NEK11: variants seen among roughly 807,000 people sequenced by gnomAD.
The protein encoded by NEK11 is serine/threonine-protein kinase Nek11.
In NEK11, 72 loss-of-function variants were observed where a neutral mutation model predicts 80.7. The ratio of observed to expected loss-of-function variants is 0.89; its 90% confidence interval spans 0.74 to 1.08. The LOEUF (loss-of-function observed/expected upper bound fraction) is 1.08, where lower values mean the gene tolerates loss of function less well. NEK11 is among the 50% of genes least tolerant of loss of function. The pLI, the probability that NEK11 is intolerant of heterozygous loss-of-function variation, is 0.00. For synonymous variants in NEK11, 251 were observed against 260.7 expected (o/e 0.96, Z 0.36); for missense variants, 764 against 763.6 (o/e 1.00, Z -0.01).
At chr3:131,139,353 G>GAAAAAAAA (rs71622003) in intron 7 of NEK11, among the ~76,000 whole-genome samples, 290 of 106,870 alleles carry the variant, frequency 2.7e-3, no homozygotes, top group Middle Eastern at 4.5e-3. Flanking sequence ...AGAGAAAAAA[G>GAAAAAAAA]AAAAAAAAAA....
chr3:131,178,517 G>A (rs1022264464), intron 14 of NEK11, among the ~76,000 whole-genome samples: 1 of 152,082 alleles, frequency 6.6e-6, no homozygotes, highest in Non-Finnish European at 1.5e-5. Context: ...TAAAAACGAA[G>A]TCACGAACAC....
intron 16 of NEK11, 76 bp downstream of exon 16, chr3:131,243,572 C>A: frequency 1.5e-6 from 2 of 1,290,690 alleles, no homozygotes; most frequent in Non-Finnish European, 2.2e-6. Context: ...AGAAATCTTA[C>A]AGGTGTTTAA....
intron 9 of NEK11, among the ~76,000 whole-genome samples, chr3:131,154,454 C>G (rs924415807): frequency 2.6e-5 from 4 of 152,220 alleles, no homozygotes; most frequent in African/African-American, 9.6e-5. Flanking sequence ...GATATTAACA[C>G]TTTAAAGACA....
At chr3:131,134,615 G>T (rs1233507811) in intron 7 of NEK11, among the ~76,000 whole-genome samples, 1 of 151,666 alleles carries the variant, frequency 6.6e-6, no homozygotes, top group Non-Finnish European at 1.5e-5. Flanking sequence ...TAGCCGGAAT[G>T]GTCTCAATCT....
intron 3 of NEK11, among the ~76,000 whole-genome samples, chr3:131,059,955 G>C (rs1176655295): frequency 6.6e-6 from 1 of 152,206 alleles, no homozygotes; most frequent in African/African-American, 2.4e-5. Flanking sequence ...GTGGGGCACA[G>C]TACAAAGTGA....
chr3:131,076,583 CA>C (rs1030428077), intron 3 of NEK11, among the ~76,000 whole-genome samples: 16 of 152,176 alleles, frequency 1.1e-4, no homozygotes, highest in African/African-American at 3.9e-4. Flanking sequence ...TAAAAAAACA[CA>C]AAAGCAAAAT....
chr3:131,213,750 G>A (rs146998470), intron 14 of NEK11, among the ~76,000 whole-genome samples: 3 of 152,246 alleles, frequency 2.0e-5, no homozygotes, highest in African/African-American at 7.2e-5. Context: ...CTCCAGTCCT[G>A]CCAATCTGAA....
rs552150367 is a variant in NEK11, at chr3:131,108,015, A to G, written c.337-1788A>G. Among the ~76,000 whole-genome samples the G allele has an allele frequency of 4.6e-5, 7 of 152,268 alleles. 1 individual carries two copies. The South Asian group carries it at 1.4e-3, about 32-fold the overall frequency. ...AGAAAGAAATGATAGTCTTTTAGAC[A>G]AGGAGTTAAGTATTCAATTCGCCAT... is the stretch of plus-strand genomic sequence containing the variant. On this transcript the variant is annotated intron_variant, in intron 4 of 17. Coordinates refer to ENST00000383366, the MANE Select transcript of NEK11 (RefSeq NM_024800.5).
At chr3:131,031,969 T>G (rs1285129943) in intron 3 of NEK11, among the ~76,000 whole-genome samples, 1 of 151,888 alleles carries the variant, frequency 6.6e-6, no homozygotes, top group Non-Finnish European at 1.5e-5. Flanking sequence ...AATCAGTTTT[T>G]TTTTTTTTTT....
At chr3:131,313,571 T>G (rs1019323499) in intron 17 of NEK11, among the ~76,000 whole-genome samples, 2 of 152,220 alleles carry the variant, frequency 1.3e-5, no homozygotes, top group Non-Finnish European at 2.9e-5. Flanking sequence ...TAATGATCCA[T>G]GATCTTGAGT....
intron 17 of NEK11, among the ~76,000 whole-genome samples, chr3:131,337,582 T>A (rs2097207729): frequency 6.6e-6 from 1 of 151,846 alleles, no homozygotes; most frequent in South Asian, 2.1e-4. Flanking sequence ...AACCTGCACA[T>A]TGTGCACATG....
chr3:131,339,971 A>G (rs1267056139), intron 17 of NEK11, among the ~76,000 whole-genome samples: 3 of 152,258 alleles, frequency 2.0e-5, no homozygotes, highest in Non-Finnish European at 4.4e-5. Flanking sequence ...TGAGCAATGC[A>G]AATTGAGGGA....
At chr3:131,174,520 A>G (rs1197176885) in intron 14 of NEK11, among the ~76,000 whole-genome samples, 1 of 152,246 alleles carries the variant, frequency 6.6e-6, no homozygotes, top group Non-Finnish European at 1.5e-5. Flanking sequence ...ATGAGGAGTT[A>G]GTTGCAGAGA....
At chr3:131,097,518 C>A (rs1439950929) in intron 4 of NEK11, among the ~76,000 whole-genome samples, 1 of 152,136 alleles carries the variant, frequency 6.6e-6, no homozygotes, top group Non-Finnish European at 1.5e-5. Context: ...TGTCTTTTGG[C>A]TGCATAAATG....
At chr3:131,269,514 A>G (rs1235814046) in intron 16 of NEK11, among the ~76,000 whole-genome samples, 4 of 152,118 alleles carry the variant, frequency 2.6e-5, no homozygotes, top group African/African-American at 9.7e-5. Context: ...TCCCTTGGCT[A>G]GGCGACGCCC....
At chr3:131,095,134 T>A (rs893955005) in intron 4 of NEK11, among the ~76,000 whole-genome samples, 52 of 152,220 alleles carry the variant, frequency 3.4e-4, no homozygotes, top group African/African-American at 1.2e-3. Flanking sequence ...CTCATTCAAA[T>A]TGTATATCTT....
In NEK11 at chr3:131,293,958, C is replaced by T. The variant is rs376045715; in HGVS notation, c.1718+20384C>T. ...ATTTCTGATACTAGCAATTTGTGTT[C>T]TCTCTTTTTTTCTTAATTAGCCTGT... On this transcript the variant is annotated intron_variant, in intron 17 of 17. Transcript: ENST00000383366. 4.0e-5 allele frequency among the ~76,000 whole-genome samples: 6 copies of T among 151,834 alleles called. No homozygotes were observed. The East Asian group carries it at 7.7e-4, about 20-fold the overall frequency.
chr3:131,334,982 T>A (rs2097157585), intron 17 of NEK11, among the ~76,000 whole-genome samples: 1 of 152,060 alleles, frequency 6.6e-6, no homozygotes, highest in Non-Finnish European at 1.5e-5. Context: ...AATCAATAAC[T>A]TACCAACCAA....
rs760882941 is a variant in NEK11 at position 131,111,290 on chromosome 3, A to G, written c.455+1369A>G. Among the ~76,000 whole-genome samples the G allele has an allele frequency of 2.0e-5, 3 of 152,302 alleles. No individual in the cohort carries two copies. The South Asian group carries it at 6.2e-4, about 32-fold the overall frequency. Reference sequence around the variant, plus strand: ...AATCCTTTAATATTCAAAGAAAGTCATTAAATGAGACTAAATATTTGGATA... The same window carrying G: ...AATCCTTTAATATTCAAAGAAAGTCGTTAAATGAGACTAAATATTTGGATA... On this transcript the variant is annotated intron_variant, in intron 5 of 17. Coordinates refer to ENST00000383366, the MANE Select transcript of NEK11 (RefSeq NM_024800.5).
Sources: gnomAD v4.1 joint callset for allele counts (sites outside exome capture counted in the v4.1 genomes callset) on GRCh38, gnomAD v4.1.1 for gene constraint, MANE v1.5 for transcripts, NCBI Gene and HGNC (gene_info 2026-07-23, HGNC 2026-07-21) for gene names.